EARS2: variants seen among roughly 807,000 people sequenced by gnomAD.
EARS2 encodes nondiscriminating glutamyl-tRNA synthetase EARS2, mitochondrial.
In EARS2, 50 loss-of-function variants were observed where a neutral mutation model predicts 54.1. The observed-to-expected ratio is 0.92, with a 90% CI of 0.74 to 1.17. EARS2 has a LOEUF of 1.17. EARS2 is among the 50% of genes most tolerant of loss of function. The pLI is 0.00. For synonymous variants in EARS2, 298 were observed against 281.0 expected, an observed-to-expected ratio of 1.06 and a Z score of -0.61; for missense variants, 673 against 675.0, an observed-to-expected ratio of 1.00 and a Z score of 0.03.
chr16:23,535,088 G>T lies in EARS2; in HGVS notation c.758C>A (p.Ser253Tyr). ...HVLRGSEWLV[S>Y]TAKHLLLYQA... ...GTAGAGGAGCAGGTGCTTGGCAGTGGAGACGAGCCACTCAGAGCCTCGCAG... is the reference window on the plus strand; with the variant it reads ...GTAGAGGAGCAGGTGCTTGGCAGTGTAGACGAGCCACTCAGAGCCTCGCAG... The change falls in exon 4 of 9, where the codon TCC becomes TAC. Residue 253 changes from serine (S) to tyrosine (Y), a missense_variant. By Grantham distance (144) the Ser-to-Tyr change is moderately radical. Around this residue, in one of 3 missense-constraint regions of EARS2, gnomAD observed 338 missense variants for 361.2 expected, o/e 0.94. Transcript: ENST00000449606. 5 of 1,602,964 alleles carry T rather than the reference G, an allele frequency of 3.1e-6. No individual in the cohort carries two copies. Among genetic ancestry groups the T allele is most frequent in the Non-Finnish European group, 4.3e-6 (5 of 1,175,764 alleles).
At chr16:23,526,641 C>G (rs533252330) in intron 7 of EARS2, among the ~76,000 whole-genome samples, 9 of 152,108 alleles carry the variant, frequency 5.9e-5, no homozygotes, top group Non-Finnish European at 1.5e-5. Context: ...TCTTTGGAGA[C>G]GTAGCCAAGA....
chr16:23,544,763 T>G, intron 2 of EARS2, 60 bp from the exon 3 acceptor site: 3 of 1,416,952 alleles, frequency 2.1e-6, no homozygotes, highest in Non-Finnish European at 2.9e-6. Flanking sequence ...CAGGCATTGC[T>G]CTAAGCACTT....
At chr16:23,524,498 C>A (rs893379782) in intron 8 of EARS2, 44 bp from the exon 9 acceptor site, 10 of 1,540,320 alleles carry the variant, frequency 6.5e-6, no homozygotes, top group Non-Finnish European at 9.0e-6. Context: ...CCTTAAACAG[C>A]CTAAAGAACT....
chr16:23,536,601 G>A (rs1023485520), intron 3 of EARS2, among the ~76,000 whole-genome samples: 8 of 151,522 alleles, frequency 5.3e-5, no homozygotes, highest in South Asian at 2.1e-4. Flanking sequence ...GGTTGAGGCT[G>A]CAGTAAACTA....
chr16:23,525,588 G>A (rs1268429975), intron 7 of EARS2, among the ~76,000 whole-genome samples: 1 of 152,184 alleles, frequency 6.6e-6, no homozygotes. Flanking sequence ...ACACAGAGAA[G>A]CCAGTGGTCA....
rs779506316 is a variant in EARS2 at position 23,529,871 on chromosome 16, T to G, written c.1094A>C (p.Asn365Thr). ...NRLHLQRLVSNESQRRQLVGK... is the reference protein window; with the variant it reads ...NRLHLQRLVSTESQRRQLVGK... ...CACCAGCTGGCGCCTCTGGCTCTCA[T>G]TGCTCACCAGCCGCTGGAGGTGCAG... The change falls in exon 6 of 9, where the codon AAT (asparagine) becomes ACT (threonine). Residue 365 changes from asparagine (N) to threonine (T), a missense_variant. By Grantham distance (65) the Asn-to-Thr change is moderately conservative. Coordinates refer to ENST00000449606, the MANE Select transcript of EARS2 (RefSeq NM_001083614.2). 1 of 1,613,982 alleles carries G rather than the reference T, an allele frequency of 6.2e-7. No homozygotes were observed. Among genetic ancestry groups the G allele is most frequent in the Admixed American group, 1.7e-5 (1 of 59,984 alleles).
intron 8 of EARS2, 32 bp from the exon 9 acceptor site, chr16:23,524,486 T>TA: frequency 6.3e-7 from 1 of 1,585,376 alleles, no homozygotes; most frequent in Non-Finnish European, 8.7e-7. Context: ...ATTGCCTTAC[T>TA]ACCTTAAACA....
intron 2 of EARS2, among the ~76,000 whole-genome samples, chr16:23,547,605 A>G (rs993904845): frequency 2.4e-4 from 36 of 152,108 alleles, no homozygotes; most frequent in Non-Finnish European, 4.1e-4. Flanking sequence ...TCCCGGTTCA[A>G]GCAATTCTCC....
chr16:23,525,032 G>C (rs753912213), intron 8 of EARS2: 43 of 647,052 alleles, frequency 6.6e-5, no homozygotes, highest in Non-Finnish European at 1.0e-4. Flanking sequence ...ATGTATGTGT[G>C]TTTAATTCTA....
intron 3 of EARS2, among the ~76,000 whole-genome samples, chr16:23,536,787 A>G (rs1965427198): frequency 6.6e-6 from 1 of 151,362 alleles, no homozygotes; most frequent in African/African-American, 2.4e-5. Flanking sequence ...GGTTCAAGCA[A>G]TTCTCCTGCC....
At chr16:23,542,693 A>G (rs1442901425) in intron 3 of EARS2, among the ~76,000 whole-genome samples, 2 of 152,194 alleles carry the variant, frequency 1.3e-5, no homozygotes, top group African/African-American at 4.8e-5. Context: ...CTTGGCTTCT[A>G]ACATAGCCCC....
In EARS2 at chr16:23,557,287, G is replaced by C. The variant is rs763866747; in HGVS notation, c.57C>G (p.Gly19=). The C allele has an allele frequency of 1.3e-6, 2 of 1,511,012 alleles. No homozygotes were observed. The highest frequency in any genetic ancestry group is 1.8e-6 in the Non-Finnish European group (2 of 1,141,076). 93.6% of individuals were successfully genotyped at this position (1,511,012 alleles called of 1,614,324 possible). The stretch of plus-strand genomic sequence containing the variant: ...TGGCCTCGCGCCGTCCTACGGGGCG[G>C]CCAGAGGCCGCCGAAGGCCTCTCGC... ...LQRERPSAAS[G]RPVGRREANL... The change falls in exon 1 of 9, where the codon GGC becomes GGG. Residue 19 remains glycine (G), a synonymous_variant. Transcript: ENST00000449606.
rs753249536 is a variant in EARS2 at position 23,557,304 on chromosome 16, G to A, written c.40C>T (p.Pro14Ser). 4.6e-6 allele frequency: 7 copies of A among 1,518,706 alleles called. No homozygotes were observed. The highest frequency in any genetic ancestry group is 2.5e-5 in the South Asian group (2 of 81,130). 94.1% of individuals were successfully genotyped at this position (1,518,706 alleles called of 1,614,324 possible). A position where few individuals can be genotyped will look rare whatever the true frequency, so the allele number is the denominator to read the frequency against. ...ACGGGGCGGCCAGAGGCCGCCGAAG[G>A]CCTCTCGCGCTGCAGCAGTCTCCTC... is the stretch of plus-strand genomic sequence containing the variant. ...LLRRLLQRER[P>S]SAASGRPVGR... The change falls in exon 1 of 9, where the codon CCT becomes TCT. Residue 14 changes from proline (P) to serine (S), a missense_variant. Pro to Ser is a moderately conservative substitution (Grantham distance 74, BLOSUM62 -1). Coordinates refer to ENST00000449606, the MANE Select transcript of EARS2 (RefSeq NM_001083614.2).
In EARS2 at chr16:23,552,332, CAGGGA is replaced by C. The variant is rs745763359; in HGVS notation, c.140-33_140-29del. On this transcript the variant is annotated intron_variant, in intron 1 of 8. Coordinates refer to ENST00000449606, the MANE Select transcript of EARS2 (RefSeq NM_001083614.2). ...GGAGAAGAGAACAGCTCAGATAAGA[CAGGGA>C]AGATAAGCTAATAGGCCTCAGCAAG... The C allele has an allele frequency of 4.3e-6, 7 of 1,609,886 alleles. No individual in the cohort carries two copies. The South Asian group carries it at 7.7e-5, about 18-fold the overall frequency.
intron 5 of EARS2, chr16:23,532,453 A>G: frequency 2.3e-6 from 1 of 443,380 alleles, no homozygotes. Flanking sequence ...TTAATACAAG[A>G]TACTTTCATA....
chr16:23,549,389 A>C (rs536659874), intron 2 of EARS2, among the ~76,000 whole-genome samples: 2 of 152,298 alleles, frequency 1.3e-5, no homozygotes, highest in African/African-American at 4.8e-5. Flanking sequence ...GTGGGATCCA[A>C]GTGGGCATGA....
At chr16:23,535,601 C>T (rs777416082) in intron 3 of EARS2, among the ~76,000 whole-genome samples, 37 of 152,140 alleles carry the variant, frequency 2.4e-4, no homozygotes, top group Admixed American at 5.2e-4. Context: ...AAGAAAATAG[C>T]AAAATGCTTA....
chr16:23,553,134 CA>C (rs1048418738), intron 1 of EARS2: 59 of 218,208 alleles, frequency 2.7e-4, no homozygotes, highest in South Asian at 9.4e-4. Context: ...CTGTCTCAAA[CA>C]AAAAAAATTA....
chr16:23,544,472 C>G, intron 3 of EARS2, 42 bp downstream of exon 3: 1 of 1,585,370 alleles, frequency 6.3e-7, no homozygotes, highest in Middle Eastern at 1.7e-4. Context: ...AACAAACACA[C>G]CCAATGTTGA....
Sources: allele counts gnomAD v4.1 joint callset (sites outside exome capture counted in the v4.1 genomes callset), GRCh38; gene constraint gnomAD v4.1.1; regional missense constraint gnomAD v4.1.1; transcripts MANE v1.5; gene names NCBI Gene and HGNC (gene_info 2026-07-23, HGNC 2026-07-21).